Variants in TRPC3 observed in about 807,000 individuals in gnomAD.
The protein encoded by TRPC3 is transient receptor potential cation channel subfamily C member 3.
Under a neutral mutation model 90.9 loss-of-function variants are expected in TRPC3, and 54 were observed. That is an observed-to-expected ratio of 0.59 (90% CI 0.48 to 0.75). The LOEUF (loss-of-function observed/expected upper bound fraction) is 0.75. Among genes scored for constraint, TRPC3 ranks in the 30% least tolerant of loss-of-function variants. The probability of loss-of-function intolerance (pLI) is 0.00; values close to 1 mark genes in which losing one functional copy is unlikely to be tolerated. For missense variants in TRPC3, 918 were observed against 1,194.5 expected, an observed-to-expected ratio of 0.77 and a Z score of 3.41; for synonymous variants, 424 against 450.9, an observed-to-expected ratio of 0.94 and a Z score of 0.75.
chr4:121,886,446 T>C (rs1334008928), intron 10 of TRPC3, among the ~76,000 whole-genome samples: 1 of 152,162 alleles, frequency 6.6e-6, no homozygotes, highest in Non-Finnish European at 1.5e-5. Flanking sequence ...TTTTTCATGT[T>C]TTTATACCAC....
intron 10 of TRPC3, 35 bp downstream of exon 10, chr4:121,899,577 A>G (rs201902116): frequency 6.4e-7 from 1 of 1,556,910 alleles, no homozygotes; most frequent in Non-Finnish European, 8.9e-7. Flanking sequence ...ATGGAATCAC[A>G]TAGAGATCAA....
At chr4:121,882,055 A>G (rs529937022) in intron 11 of TRPC3, among the ~76,000 whole-genome samples, 1 of 152,280 alleles carries the variant, frequency 6.6e-6, no homozygotes, top group South Asian at 2.1e-4. Context: ...TGTAACCAAT[A>G]CTTACTGACT....
At chr4:121,886,000 T>C (rs1195419759) in intron 10 of TRPC3, among the ~76,000 whole-genome samples, 3 of 152,268 alleles carry the variant, frequency 2.0e-5, no homozygotes, top group East Asian at 1.9e-4. Context: ...AAAACTGAAA[T>C]TGAGTGGTAA....
intron 10 of TRPC3, among the ~76,000 whole-genome samples, chr4:121,898,956 T>C (rs147927898): frequency 2.6e-5 from 4 of 152,250 alleles, no homozygotes; most frequent in African/African-American, 9.6e-5. Flanking sequence ...AATAGAACAA[T>C]ACGCAGTAAC....
rs201911371 is a variant in TRPC3 at position 121,914,848 on chromosome 4, C to A, written c.1273G>T (p.Val425Phe). 1 of 1,613,838 alleles carries A rather than the reference C, an allele frequency of 6.2e-7. No individual in the cohort carries two copies. Among genetic ancestry groups the A allele is most frequent in the South Asian group, 1.1e-5 (1 of 91,052 alleles). The change falls in exon 4 of 12, where the codon GTT becomes TTT. Residue 425 changes from valine (V) to phenylalanine (F), a missense_variant. Around this residue, in one of 4 missense-constraint regions of TRPC3, gnomAD observed 609 missense variants for 725.9 expected, o/e 0.84. Coordinates refer to ENST00000379645, the MANE Select transcript of TRPC3 (RefSeq NM_001130698.2). ...AGGCCCAGGGCCACGACCAGCACAACGAGACACTTGATAGCTATGGTCTGC... is the reference window on the plus strand; with the variant it reads ...AGGCCCAGGGCCACGACCAGCACAAAGAGACACTTGATAGCTATGGTCTGC... ...REQTIAIKCLVVLVVALGLPF... is the reference protein window; with the variant it reads ...REQTIAIKCLFVLVVALGLPF...
chr4:121,886,616 C>A (rs58589670), intron 10 of TRPC3, among the ~76,000 whole-genome samples: 2 of 152,108 alleles, frequency 1.3e-5, no homozygotes, highest in Non-Finnish European at 2.9e-5. Flanking sequence ...AACTATCGGT[C>A]CAAATTCTGT....
chr4:121,911,290 A>G (rs950160391), intron 5 of TRPC3, among the ~76,000 whole-genome samples: 1 of 152,204 alleles, frequency 6.6e-6, no homozygotes, highest in African/African-American at 2.4e-5. Flanking sequence ...TCCATTTCTT[A>G]GCAGAGAACA....
At position 121,879,524 on chromosome 4, in the gene TRPC3, C is replaced by T. The variant is rs200157559; in HGVS notation, c.*212G>A. On this transcript the variant is annotated 3_prime_UTR_variant, in exon 12 of 12. Coordinates refer to ENST00000379645, the MANE Select transcript of TRPC3 (RefSeq NM_001130698.2). ...TATAGTAATATTGGGCTTTTCAACA[C>T]AATGGTATGCCACTGTAATGTCAAA... The T allele has an allele frequency of 3.3e-5, 17 of 514,216 alleles. No homozygotes were observed. The East Asian group carries it at 6.6e-4, about 20-fold the overall frequency. 31.9% of individuals were successfully genotyped at this position (514,216 alleles called of 1,614,324 possible). A position where few individuals can be genotyped will look rare whatever the true frequency, so the allele number is the denominator to read the frequency against.
Position 121,912,014 on chromosome 4 carries a change from A to G in TRPC3, c.1421T>C (p.Val474Ala). 6.2e-7 allele frequency: 1 copy of G among 1,613,932 alleles called. No homozygotes were observed. The highest frequency in any genetic ancestry group is 8.5e-7 in the Non-Finnish European group (1 of 1,179,888). Reference protein sequence around the residue: ...ASFIIFLGLLVFNASDRFEGI... With the variant: ...ASFIIFLGLLAFNASDRFEGI... ...TTCGAACCTGTCTGAGGCATTGAAC[A>G]CAAGCAGACCCAGGAAGATGATGAA... is the stretch of plus-strand genomic sequence containing the variant. The change falls in exon 5 of 12, where the codon GTG (valine) becomes GCG (alanine). Residue 474 changes from valine (V) to alanine (A), a missense_variant. Physicochemically the swap from Val to Ala is moderately conservative, Grantham distance 64 (BLOSUM62 0). Around this residue, in one of 4 missense-constraint regions of TRPC3, gnomAD observed 609 missense variants for 725.9 expected, o/e 0.84. Coordinates refer to ENST00000379645, the MANE Select transcript of TRPC3 (RefSeq NM_001130698.2).
chr4:121,901,823 T>G (rs1728712316), intron 9 of TRPC3, among the ~76,000 whole-genome samples: 1 of 152,214 alleles, frequency 6.6e-6, no homozygotes, highest in Non-Finnish European at 1.5e-5. Flanking sequence ...TGTCTTATAC[T>G]GCTTCTCACT....
At chr4:121,906,084 C>T (rs561451614) in intron 7 of TRPC3, among the ~76,000 whole-genome samples, 7 of 152,146 alleles carry the variant, frequency 4.6e-5, no homozygotes, top group African/African-American at 1.7e-4. Flanking sequence ...CAGTTCTGAG[C>T]TCCTACTGTG....
rs70950860 is a variant in TRPC3 at position 121,897,453 on chromosome 4, CAAAAAAAAAAAAAAAAAAAAAA to C, written c.2547+2137_2547+2158del. On this transcript the variant is annotated intron_variant, in intron 10 of 11. Transcript: ENST00000379645. ...ACAGGGAACTCAATCATCTCAACAG[CAAAAAAAAAAAAAAAAAAAAAA>C]AAAAAAAAAAAAAAAAATTCCAATT... Among the ~76,000 whole-genome samples, 39 of 43,436 alleles carry C rather than the reference CAAAAAAAAAAAAAAAAAAAAAA, an allele frequency of 9.0e-4. 2 individuals carry two copies. The South Asian group carries it at 0.01, about 11-fold the overall frequency. 28.5% of individuals were successfully genotyped at this position (43,436 alleles called of 152,430 possible).
At chr4:121,929,439 A>T (rs1729822831) in intron 2 of TRPC3, among the ~76,000 whole-genome samples, 1 of 152,166 alleles carries the variant, frequency 6.6e-6, no homozygotes, top group African/African-American at 2.4e-5. Flanking sequence ...CAGAACTAGA[A>T]AATTTCAGTT....
chr4:121,941,778 T>C (rs1730323475), intron 1 of TRPC3, among the ~76,000 whole-genome samples: 1 of 152,228 alleles, frequency 6.6e-6, no homozygotes, highest in Admixed American at 6.5e-5. Flanking sequence ...TCTGACAGTC[T>C]TAATAATATC....
At chr4:121,893,979 A>G (rs890120745) in intron 10 of TRPC3, among the ~76,000 whole-genome samples, 12 of 152,176 alleles carry the variant, frequency 7.9e-5, no homozygotes, top group African/African-American at 2.2e-4. Context: ...GTGCTCTCAT[A>G]TATTTATTGT....
Position 121,937,028 on chromosome 4 carries a change from T to C in TRPC3, c.216-3986A>G, listed in dbSNP as rs1283346852. On this transcript the variant is annotated intron_variant, in intron 1 of 11. Coordinates refer to ENST00000379645, the MANE Select transcript of TRPC3 (RefSeq NM_001130698.2). ...ATTGTGGTGGAGCCATAGGGAACCC[T>C]CTGCTCTGCTCTATTCAGAAGCTAA... 2.0e-5 allele frequency among the ~76,000 whole-genome samples: 3 copies of C among 152,224 alleles called. No individual in the cohort carries two copies. The South Asian group carries it at 6.2e-4, about 31-fold the overall frequency.
At chr4:121,941,763 C>T (rs1730323059) in intron 1 of TRPC3, among the ~76,000 whole-genome samples, 3 of 152,194 alleles carry the variant, frequency 2.0e-5, no homozygotes, top group African/African-American at 7.2e-5. Context: ...AAGGAGGAGA[C>T]AGAATCTGAC....
chr4:121,949,631 G>A (rs1042754252), intron 1 of TRPC3, among the ~76,000 whole-genome samples: 20 of 152,278 alleles, frequency 1.3e-4, no homozygotes, highest in Middle Eastern at 3.4e-3. Flanking sequence ...TGACAGGCCT[G>A]AAATAAACAT....
In TRPC3 at chr4:121,876,223, G is replaced by A. The variant is rs923711714; in HGVS notation, c.*3513C>T. On this transcript the variant is annotated 3_prime_UTR_variant, in exon 12 of 12. Transcript: ENST00000379645. ...CTGATTTTGGGAGGCTGAGGCAGGA[G>A]GATCGCTTGAGGCCAAAAGTTAAAG... Among the ~76,000 whole-genome samples, 5 of 152,074 alleles carry A rather than the reference G, an allele frequency of 3.3e-5. No individual in the cohort carries two copies. The highest frequency in any genetic ancestry group is 1.2e-4 in the African/African-American group (5 of 41,394).
Sources: gnomAD v4.1 joint callset for allele counts (sites outside exome capture counted in the v4.1 genomes callset) on GRCh38, gnomAD v4.1.1 for gene constraint, gnomAD v4.1.1 regional missense constraint, MANE v1.5 for transcripts, NCBI Gene and HGNC (gene_info 2026-07-23, HGNC 2026-07-21) for gene names.